Variants in EYA2 observed in about 807,000 individuals in gnomAD.
EYA2 encodes the protein EYA transcriptional coactivator and phosphatase 2.
A neutral mutation model predicts 69.2 loss-of-function variants in EYA2; 31 were observed. The ratio of observed to expected loss-of-function variants is 0.45; its 90% CI spans 0.34 to 0.60. EYA2 has a LOEUF of 0.60. Ranked by LOEUF, EYA2 falls within the 20% of genes least tolerant of loss-of-function variation. The pLI is 0.02. For missense variants in EYA2, 622 were observed against 701.2 expected (o/e 0.89, Z 1.28); for synonymous variants, 257 against 279.4 (o/e 0.92, Z 0.80).
rs1380057108 is a variant in EYA2, at chr20:47,185,141, G to A, written c.1536+1750G>A. Among the ~76,000 whole-genome samples the A allele has an allele frequency of 3.3e-5, 5 of 152,168 alleles. No individual in the cohort carries two copies. In the South Asian group the frequency reaches 8.3e-4, roughly 25 times the overall value. Reference sequence around the variant, plus strand: ...TGTTGTTAATATCTCCATTTTAGTGGGTGATTTGTCTCCACCTCTTCACGA... The same window carrying A: ...TGTTGTTAATATCTCCATTTTAGTGAGTGATTTGTCTCCACCTCTTCACGA... On this transcript the variant is annotated intron_variant, in intron 15 of 15. Coordinates refer to ENST00000327619, the MANE Select transcript of EYA2 (RefSeq NM_005244.5).
At chr20:47,089,552 G>A (rs1339271803) in intron 8 of EYA2, among the ~76,000 whole-genome samples, 171 bp downstream of exon 8, 1 of 152,242 alleles carries the variant, frequency 6.6e-6, no homozygotes, top group African/African-American at 2.4e-5. Context: ...CTGGGGCCAG[G>A]ACAGAAGAGA....
At chr20:47,172,297 G>T (rs1168083537) in intron 11 of EYA2, among the ~76,000 whole-genome samples, 1 of 152,006 alleles carries the variant, frequency 6.6e-6, no homozygotes, top group South Asian at 2.1e-4. Flanking sequence ...TTAGCCAAGT[G>T]TGGTGGCGCA....
At chr20:47,180,378 G>T (rs990944509) in intron 13 of EYA2, among the ~76,000 whole-genome samples, 1 of 152,118 alleles carries the variant, frequency 6.6e-6, no homozygotes, top group African/African-American at 2.4e-5. Flanking sequence ...GGATACCTTG[G>T]AGCATAGCTG....
chr20:46,976,714 A>C (rs544467557), intron 1 of EYA2, among the ~76,000 whole-genome samples: 1 of 152,344 alleles, frequency 6.6e-6, no homozygotes, highest in East Asian at 1.9e-4. Flanking sequence ...AAAGCTTTCC[A>C]ATCAGGGAGT....
intron 9 of EYA2, among the ~76,000 whole-genome samples, chr20:47,111,635 A>G (rs869345): frequency 0.67 from 101,175 of 152,092 alleles, 33,905 homozygotes; most frequent in African/African-American, 0.68. Flanking sequence ...CACTGTGAAA[A>G]GTGGGCAGCA....
chr20:47,086,794 CTGTT>C (rs2031907262), intron 7 of EYA2, among the ~76,000 whole-genome samples: 1 of 151,132 alleles, frequency 6.6e-6, no homozygotes, highest in Non-Finnish European at 1.5e-5. Context: ...CTGGGTTTTT[CTGTT>C]TGTTTTTTTG....
At chr20:46,928,498 C>T (rs1985511637) in intron 1 of EYA2, among the ~76,000 whole-genome samples, 2 of 152,156 alleles carry the variant, frequency 1.3e-5, no homozygotes, top group South Asian at 4.1e-4. Flanking sequence ...CTGTTTTCCC[C>T]ATTTTATAGA....
At chr20:47,166,446 C>T (rs931243318) in intron 10 of EYA2, among the ~76,000 whole-genome samples, 1 of 115,248 alleles carries the variant, frequency 8.7e-6, no homozygotes, top group Non-Finnish European at 1.8e-5. Flanking sequence ...TTTGCTTGTC[C>T]AATTGTCTAA....
chr20:46,969,902 AGGG>A (rs1476328761), intron 1 of EYA2, among the ~76,000 whole-genome samples: 1 of 152,204 alleles, frequency 6.6e-6, no homozygotes, highest in East Asian at 1.9e-4. Context: ...ATTAAATGTA[AGGG>A]GGTGAAGGGG....
chr20:47,076,875 A>T (rs1294800951), intron 7 of EYA2, among the ~76,000 whole-genome samples: 1 of 152,132 alleles, frequency 6.6e-6, no homozygotes, highest in East Asian at 1.9e-4. Context: ...CTGCTAATCC[A>T]TCCCAGCAAA....
intron 1 of EYA2, among the ~76,000 whole-genome samples, chr20:46,974,201 C>T (rs184193052): frequency 2.6e-5 from 4 of 152,280 alleles, no homozygotes; most frequent in East Asian, 1.9e-4. Flanking sequence ...GCTTAGTCTA[C>T]GTGAACTACT....
chr20:46,902,100 C>G (rs2036491935), intron 1 of EYA2, among the ~76,000 whole-genome samples: 2 of 152,104 alleles, frequency 1.3e-5, no homozygotes, highest in Non-Finnish European at 2.9e-5. Context: ...GACATAGAAT[C>G]AGGCTTTTTT....
chr20:47,116,875 G>C (rs2032908676), intron 9 of EYA2, among the ~76,000 whole-genome samples: 1 of 152,204 alleles, frequency 6.6e-6, no homozygotes, highest in African/African-American at 2.4e-5. Flanking sequence ...ACTCCTCTTA[G>C]TAGAGCCCTG....
chr20:47,118,634 CAT>C, intron 9 of EYA2, among the ~76,000 whole-genome samples: 1 of 152,280 alleles, frequency 6.6e-6, no homozygotes, highest in Admixed American at 6.5e-5. Context: ...TTATTTCCAA[CAT>C]AAAATATATT....
At chr20:47,016,153 C>A in intron 4 of EYA2, 28 bp from the exon 5 acceptor site, 1 of 1,540,860 alleles carries the variant, frequency 6.5e-7, no homozygotes, top group Non-Finnish European at 9.0e-7. Context: ...TGTCCTTGGT[C>A]CTTTTTTTTC....
chr20:47,080,876 CCTT>C (rs1444138456), intron 7 of EYA2, among the ~76,000 whole-genome samples: 1 of 152,180 alleles, frequency 6.6e-6, no homozygotes, highest in Non-Finnish European at 1.5e-5. Context: ...GAAAGACCCT[CCTT>C]CTTAAAGAGA....
intron 11 of EYA2, 97 bp downstream of exon 11, chr20:47,169,294 A>T (rs895082495): frequency 3.2e-6 from 4 of 1,255,442 alleles, no homozygotes. Context: ...AGGGCTGCTT[A>T]TAAGGACAAG....
At chr20:47,060,569 C>T (rs1332910623) in intron 5 of EYA2, among the ~76,000 whole-genome samples, 1 of 152,268 alleles carries the variant, frequency 6.6e-6, no homozygotes, top group Non-Finnish European at 1.5e-5. Context: ...GGGAAGCTAT[C>T]AGGGGAGCGA....
At position 47,148,060 on chromosome 20, in the gene EYA2, A is replaced by AAAAAAAG. The variant is rs1202329694; in HGVS notation, c.978+4918_978+4919insGAAAAAA. Among the ~76,000 whole-genome samples, 13 of 141,136 alleles carry AAAAAAAG rather than the reference A, an allele frequency of 9.2e-5. 2 individuals carry two copies. Among genetic ancestry groups the AAAAAAAG allele is most frequent in the Non-Finnish European group, 1.9e-4 (12 of 64,580 alleles). 92.6% of individuals were successfully genotyped at this position (141,136 alleles called of 152,430 possible). ...GGCGACAGAGCAAGACTCTGTCTCA[A>AAAAAAAG]AAAAAAAAAAAAAGAATAAAAAAAA... On this transcript the variant is annotated intron_variant, in intron 10 of 15. Transcript: ENST00000327619.
Sources: gnomAD v4.1 joint callset for allele counts (sites outside exome capture counted in the v4.1 genomes callset) on GRCh38, gnomAD v4.1.1 for gene constraint, MANE v1.5 for transcripts, NCBI Gene and HGNC (gene_info 2026-07-23, HGNC 2026-07-21) for gene names.